The following ATP8A1 variants were observed in gnomAD, a reference collection of about 807,000 sequenced individuals.
ATP8A1 encodes ATPase phospholipid transporting 8A1, also known as phospholipid-transporting ATPase IA.
A neutral mutation model predicts 177.7 loss-of-function variants in ATP8A1; 90 were observed. The observed-to-expected ratio is 0.51, with a 90% CI of 0.43 to 0.60. The LOEUF (loss-of-function observed/expected upper bound fraction) is 0.60. ATP8A1 is among the 20% of genes least tolerant of loss of function. The pLI is 0.00. For missense variants in ATP8A1, 1,072 were observed against 1,392.8 expected (o/e 0.77, Z 3.67); for synonymous variants, 493 against 485.9 (o/e 1.01, Z -0.19).
chr4:42,581,900 C>G (rs575208227), intron 9 of ATP8A1, among the ~76,000 whole-genome samples, 168 bp from the exon 10 acceptor site: 34 of 152,300 alleles, frequency 2.2e-4, no homozygotes, highest in African/African-American at 7.7e-4. Flanking sequence ...AGCAACGACA[C>G]AAGTATTTAC....
At position 42,582,102 on chromosome 4, in the gene ATP8A1, C is replaced by A. The variant is rs1290426242; in HGVS notation, c.723-370G>T. On this transcript the variant is annotated intron_variant, in intron 9 of 36. Transcript: ENST00000381668. ...TTGGGTCCTCATGAAGGGATTAATG[C>A]CCTTATAAAAAGACACTCGAGGAGT... Among the ~76,000 whole-genome samples the A allele has an allele frequency of 2.0e-5, 3 of 152,034 alleles. No homozygotes were observed. In the East Asian group the frequency reaches 5.8e-4, roughly 29 times the overall value.
intron 27 of ATP8A1, among the ~76,000 whole-genome samples, chr4:42,462,886 A>G (rs571361107): frequency 1.3e-5 from 2 of 152,252 alleles, no homozygotes; most frequent in East Asian, 3.9e-4. Context: ...GAGTCAAAGG[A>G]GATCATTTTG....
intron 5 of ATP8A1, among the ~76,000 whole-genome samples, chr4:42,609,791 A>G (rs1736188891): frequency 6.6e-6 from 1 of 151,744 alleles, no homozygotes; most frequent in Admixed American, 6.6e-5. Context: ...TCTCCTTGCC[A>G]CCTCTCCATA....
intron 6 of ATP8A1, among the ~76,000 whole-genome samples, chr4:42,595,067 T>C (rs1359509241): frequency 2.0e-5 from 3 of 152,190 alleles, no homozygotes; most frequent in Non-Finnish European, 2.9e-5. Context: ...AACAACACAG[T>C]AACTAAGCAA....
chr4:42,617,295 C>G (rs530937750), intron 4 of ATP8A1, among the ~76,000 whole-genome samples: 1 of 152,098 alleles, frequency 6.6e-6, no homozygotes, highest in Non-Finnish European at 1.5e-5. Flanking sequence ...AATGCCTCTG[C>G]GAAAGAATTG....
At chr4:42,520,920 T>C (rs1210013511) in intron 22 of ATP8A1, among the ~76,000 whole-genome samples, 1 of 152,006 alleles carries the variant, frequency 6.6e-6, no homozygotes, top group East Asian at 1.9e-4. Flanking sequence ...ATATCTCGAG[T>C]TGCATATGGT....
intron 1 of ATP8A1, among the ~76,000 whole-genome samples, chr4:42,627,795 C>G (rs890855329): frequency 3.9e-5 from 6 of 152,172 alleles, no homozygotes; most frequent in Admixed American, 1.3e-4. Context: ...TTTTAAACAG[C>G]TTTTTGTGTC....
intron 6 of ATP8A1, among the ~76,000 whole-genome samples, chr4:42,591,576 C>G (rs1734182520): frequency 6.6e-6 from 1 of 152,032 alleles, no homozygotes; most frequent in South Asian, 2.1e-4. Flanking sequence ...GAAGGGTAAG[C>G]CTTTGAATCC....
intron 33 of ATP8A1, among the ~76,000 whole-genome samples, chr4:42,441,823 G>T: frequency 6.6e-6 from 1 of 152,148 alleles, no homozygotes; most frequent in Non-Finnish European, 1.5e-5. Context: ...TATTTTCAGT[G>T]GAGCACCAGC....
intron 1 of ATP8A1, among the ~76,000 whole-genome samples, chr4:42,634,686 G>C (rs998883216): frequency 6.6e-6 from 1 of 152,048 alleles, no homozygotes; most frequent in Admixed American, 6.6e-5. Flanking sequence ...GAGTTTGTGG[G>C]GATTACATGA....
intron 1 of ATP8A1, among the ~76,000 whole-genome samples, chr4:42,629,490 A>T (rs1004760133): frequency 6.6e-6 from 1 of 152,256 alleles, no homozygotes; most frequent in Non-Finnish European, 1.5e-5. Context: ...CACTGAAAGC[A>T]GGGAGTGAGG....
chr4:42,593,623 A>G (rs1277966232), intron 6 of ATP8A1, among the ~76,000 whole-genome samples: 1 of 152,072 alleles, frequency 6.6e-6, no homozygotes, highest in Non-Finnish European at 1.5e-5. Context: ...AACCTCTAAA[A>G]TATTAAAAAC....
intron 19 of ATP8A1, among the ~76,000 whole-genome samples, chr4:42,546,569 C>CTTAAATTA (rs1255927308): frequency 6.9e-6 from 1 of 145,906 alleles, no homozygotes; most frequent in Non-Finnish European, 1.5e-5. Flanking sequence ...TACCCTAAAA[C>CTTAAATTA]TTAAAGTATA....
intron 15 of ATP8A1, among the ~76,000 whole-genome samples, chr4:42,563,184 C>T (rs1289693304): frequency 6.6e-6 from 1 of 152,162 alleles, no homozygotes; most frequent in Non-Finnish European, 1.5e-5. Context: ...AAGGTCCAGG[C>T]TGAGGTAGTC....
intron 9 of ATP8A1, among the ~76,000 whole-genome samples, chr4:42,582,515 C>T (rs945399625): frequency 1.5e-5 from 2 of 130,152 alleles, no homozygotes; most frequent in Non-Finnish European, 3.2e-5. Context: ...ACTCTCTCTC[C>T]CCCCCCACCC....
In ATP8A1 at chr4:42,578,310, A is replaced by G. The variant is rs763343031; in HGVS notation, c.1078T>C (p.Leu360=). ...AATTTCACAACTTCTAATGTAACCA[A>G]TAAGCTGATAGGAATGAGATTGTTG... The part of the protein sequence containing the change: ...LFNNLIPISL[L]VTLEVVKFTQ... Residue 360 remains leucine, a synonymous_variant, in exon 12 of 37, where the codon TTG becomes CTG. Coordinates refer to ENST00000381668, the MANE Select transcript of ATP8A1 (RefSeq NM_006095.2). 2 of 1,612,228 alleles carry G rather than the reference A, an allele frequency of 1.2e-6. No homozygotes were observed. Among genetic ancestry groups the G allele is most frequent in the South Asian group, 2.2e-5 (2 of 90,758 alleles).
chr4:42,565,494 C>T (rs781006447), intron 15 of ATP8A1, among the ~76,000 whole-genome samples: 3 of 152,126 alleles, frequency 2.0e-5, no homozygotes, highest in Non-Finnish European at 4.4e-5. Context: ...TAGTACTATC[C>T]ACTGATAGTG....
chr4:42,471,936 G>A (rs558195443), intron 25 of ATP8A1: 1 of 666,358 alleles, frequency 1.5e-6, no homozygotes, highest in Non-Finnish European at 2.9e-6. Context: ...AGCTCAGGAA[G>A]CTGAGTATTA....
chr4:42,429,723 T>C (rs1431526385), intron 33 of ATP8A1, among the ~76,000 whole-genome samples: 1 of 151,998 alleles, frequency 6.6e-6, no homozygotes, highest in African/African-American at 2.4e-5. Context: ...AGCCAAAGGG[T>C]GGAAACAACA....
Sources: allele counts gnomAD v4.1 joint callset (sites outside exome capture counted in the v4.1 genomes callset), GRCh38; gene constraint gnomAD v4.1.1; transcripts MANE v1.5; gene names NCBI Gene and HGNC (gene_info 2026-07-23, HGNC 2026-07-21).